ZNF227: variants seen among roughly 807,000 people sequenced by gnomAD.
The protein encoded by ZNF227 is zinc finger protein 227.
Under a neutral mutation model 13.2 loss-of-function variants are expected in ZNF227, and 12 were observed. The observed-to-expected ratio is 0.91, with a 90% CI of 0.58 to 1.47. The LOEUF is 1.47. ZNF227 is among the 40% of genes most tolerant of loss of function. The pLI, the probability that ZNF227 is intolerant of heterozygous loss-of-function variation, is 0.00. For missense variants in ZNF227, 885 were observed against 967.5 expected, an observed-to-expected ratio of 0.91 and a Z score of 1.13; for synonymous variants, 338 against 326.0, an observed-to-expected ratio of 1.04 and a Z score of -0.40.
chr19:44,234,210 T>C (rs4802215), intron 5 of ZNF227, among the ~76,000 whole-genome samples: 1 of 152,122 alleles, frequency 6.6e-6, no homozygotes, highest in Admixed American at 6.5e-5. Flanking sequence ...TTTAGAACAA[T>C]CATATTATTC....
rs775545406 is a variant in ZNF227, at chr19:44,236,717, C to T, written c.2287C>T (p.Gln763Ter). ...TCAGAGTGCACGTCTTGAAGCCCAT[C>T]AGAGAGTCCACACTGGAGAAAAACC... ...FSQSARLEAH[Q>*]RVHTGEKPYK... The change falls in exon 6 of 6, where the codon CAG (glutamine) becomes TAG (stop). Residue 763 changes from glutamine to a stop codon, truncating the protein, a stop_gained. Transcript: ENST00000313040. LOFTEE classifies it low-confidence loss of function (END_TRUNC). 1.9e-6 allele frequency: 3 copies of T among 1,614,202 alleles called. No individual in the cohort carries two copies. The East Asian group carries it at 6.7e-5, about 36-fold the overall frequency.
intron 4 of ZNF227, 26 bp downstream of exon 4, chr19:44,228,598 G>T (rs1275958631): frequency 1.3e-6 from 2 of 1,584,396 alleles, no homozygotes; most frequent in Non-Finnish European, 1.7e-6. Context: ...CTCTGACCCT[G>T]AACTTCAGTT....
chr19:44,209,081 A>T (rs954765204), upstream of ZNF227, among the ~76,000 whole-genome samples: 4 of 152,172 alleles, frequency 2.6e-5, no homozygotes, highest in African/African-American at 9.7e-5. Context: ...CCTTTAACCC[A>T]TAATCTCAGG....
intron 3 of ZNF227, among the ~76,000 whole-genome samples, chr19:44,221,692 T>C (rs1369816010): frequency 6.6e-6 from 1 of 152,154 alleles, no homozygotes; most frequent in African/African-American, 2.4e-5. Flanking sequence ...GTTGCAAAAA[T>C]TTTCTCCCAT....
chr19:44,225,557 A>G (rs1484614086), intron 3 of ZNF227, among the ~76,000 whole-genome samples: 2 of 152,162 alleles, frequency 1.3e-5, no homozygotes, highest in African/African-American at 2.4e-5. Context: ...AGTTGATCGC[A>G]TCGGCTCCTG....
upstream of ZNF227, among the ~76,000 whole-genome samples, chr19:44,211,488 TAAAG>T (rs1032052617): frequency 2.6e-5 from 4 of 152,194 alleles, no homozygotes; most frequent in African/African-American, 9.6e-5. Context: ...TTTAAGCAAA[TAAAG>T]ATCAAGGTTT....
Position 44,235,323 on chromosome 19 carries a change from G to T in ZNF227, c.893G>T (p.Arg298Ile), listed in dbSNP as rs1350231130. The change falls in exon 6 of 6, where the codon AGA (arginine) becomes ATA (isoleucine). Residue 298 changes from arginine (R) to isoleucine (I), a missense_variant. Arg to Ile is a moderately conservative substitution (Grantham distance 97). Coordinates refer to ENST00000313040, the MANE Select transcript of ZNF227 (RefSeq NM_182490.3). ...ATTCACCCAGGAGAGAAACTCAATA[G>T]ATGTCATGAATCTGGTGATTGCTTC... is the stretch of plus-strand genomic sequence containing the variant. ...QRIHPGEKLN[R>I]CHESGDCFNK... 1 of 1,614,168 alleles carries T rather than the reference G, an allele frequency of 6.2e-7. No individual in the cohort carries two copies. The highest frequency in any genetic ancestry group is 1.1e-5 in the South Asian group (1 of 91,080).
chr19:44,217,908 CAG>C, intron 3 of ZNF227, 56 bp downstream of exon 3: 1 of 1,587,758 alleles, frequency 6.3e-7, no homozygotes, highest in Admixed American at 1.7e-5. Context: ...TCAAAGATAA[CAG>C]ATTTATTTTT....
chr19:44,234,656 T>G lies in ZNF227; in HGVS notation c.272-46T>G, dbSNP rs571656116. On this transcript the variant is annotated intron_variant, in intron 5 of 5. Coordinates refer to ENST00000313040, the MANE Select transcript of ZNF227 (RefSeq NM_182490.3). Reference sequence around the variant, plus strand: ...AATTCTGATATTTCTGAAGAAAGCATTTACTGCCCTCATCTCTAAATATTG... The same window carrying G: ...AATTCTGATATTTCTGAAGAAAGCAGTTACTGCCCTCATCTCTAAATATTG... 64 of 1,492,952 alleles carry G rather than the reference T, an allele frequency of 4.3e-5. No homozygotes were observed. The South Asian group carries it at 8.2e-4, about 19-fold the overall frequency. 92.5% of individuals were successfully genotyped at this position (1,492,952 alleles called of 1,614,324 possible).
At chr19:44,225,500 G>T (rs142207820) in intron 3 of ZNF227, among the ~76,000 whole-genome samples, 4 of 151,922 alleles carry the variant, frequency 2.6e-5, no homozygotes, top group Non-Finnish European at 5.9e-5. Flanking sequence ...TTCCGTTCTC[G>T]CTTCATTTCA....
intron 5 of ZNF227, among the ~76,000 whole-genome samples, chr19:44,233,485 T>C (rs973051491): frequency 1.1e-4 from 16 of 152,190 alleles, no homozygotes; most frequent in Non-Finnish European, 2.2e-4. Context: ...AATGCGTGTT[T>C]TTTTCATGAC....
At chr19:44,217,329 C>T in intron 2 of ZNF227, 2 of 419,834 alleles carry the variant, frequency 4.8e-6, no homozygotes, top group South Asian at 3.5e-5. Context: ...ACTCCTGGTT[C>T]TTAGAACTCT....
In ZNF227 at chr19:44,228,513, C is replaced by A; in HGVS notation, c.128C>A (p.Thr43Asn). 3 of 1,613,800 alleles carry A rather than the reference C, an allele frequency of 1.9e-6. No homozygotes were observed. The highest frequency in any genetic ancestry group is 2.5e-6 in the Non-Finnish European group (3 of 1,179,934). Residue 43 changes from threonine to asparagine, a missense_variant, in exon 4 of 6, where the codon ACC becomes AAC. By Grantham distance (65) the Thr-to-Asn change is moderately conservative. Transcript: ENST00000313040. ...GAGGAACTGCGACTGCTCGATCTTA[C>A]CCAGAGGAAGCTGTACCGAGATGTC... The part of the protein sequence containing the change: ...SREELRLLDL[T>N]QRKLYRDVMV...
At position 44,236,598 on chromosome 19, in the gene ZNF227, A is replaced by G; in HGVS notation, c.2168A>G (p.Lys723Arg). Residue 723 changes from lysine (K) to arginine (R), a missense_variant, in exon 6 of 6, where the codon AAG (lysine) becomes AGG (arginine). Transcript: ENST00000313040. ...EKPHICEECGKAFSLPSNLRV... is the reference protein window; with the variant it reads ...EKPHICEECGRAFSLPSNLRV... ...CCCCATATATGTGAGGAGTGTGGTA[A>G]GGCCTTCAGTCTCCCCTCAAATCTT... is the stretch of plus-strand genomic sequence containing the variant. 3.1e-6 allele frequency: 5 copies of G among 1,614,110 alleles called. No homozygotes were observed. The highest frequency in any genetic ancestry group is 4.2e-6 in the Non-Finnish European group (5 of 1,180,014).
upstream of ZNF227, among the ~76,000 whole-genome samples, chr19:44,211,329 A>G (rs1010758883): frequency 3.3e-5 from 5 of 152,374 alleles, no homozygotes; most frequent in East Asian, 1.9e-4. Context: ...TTGGTTCTTT[A>G]TAAGAGATAG....
chr19:44,227,398 A>C (rs1973289009), intron 3 of ZNF227: 1 of 152,084 alleles, frequency 6.6e-6, no homozygotes, highest in African/African-American at 2.4e-5. Context: ...GACGCACATC[A>C]CCACGCCTGG....
intron 4 of ZNF227, among the ~76,000 whole-genome samples, chr19:44,229,503 T>C (rs1599829768): frequency 6.6e-6 from 1 of 152,180 alleles, no homozygotes; most frequent in South Asian, 2.1e-4. Context: ...TCCCAACTAC[T>C]CGGGAGGCTG....
rs1238241338 is a variant in ZNF227, at chr19:44,236,580, T to C, written c.2150T>C (p.Ile717Thr). The change falls in exon 6 of 6, where the codon ATA becomes ACA. Residue 717 changes from isoleucine to threonine, a missense_variant. Transcript: ENST00000313040. ...QRVHTGEKPH[I>T]CEECGKAFSL... ...GTCCACACGGGAGAGAAACCCCATA[T>C]ATGTGAGGAGTGTGGTAAGGCCTTC... 2 of 1,613,508 alleles carry C rather than the reference T, an allele frequency of 1.2e-6. No individual in the cohort carries two copies. The highest frequency in any genetic ancestry group is 2.2e-5 in the East Asian group (1 of 44,856).
At chr19:44,221,853 A>G (rs1191077420) in intron 3 of ZNF227, among the ~76,000 whole-genome samples, 1 of 152,162 alleles carries the variant, frequency 6.6e-6, no homozygotes, top group Non-Finnish European at 1.5e-5. Context: ...TATGTCCTGA[A>G]TGGTAATGCC....
Sources: allele counts gnomAD v4.1 joint callset (sites outside exome capture counted in the v4.1 genomes callset), GRCh38; gene constraint gnomAD v4.1.1; transcripts MANE v1.5; gene names NCBI Gene and HGNC (gene_info 2026-07-23, HGNC 2026-07-21).